The following CACNB2 variants were observed in gnomAD, a reference collection of about 807,000 sequenced individuals.
The protein encoded by CACNB2 is calcium voltage-gated channel auxiliary subunit beta 2, also known as voltage-dependent L-type calcium channel subunit beta-2.
Under a neutral mutation model 73.3 loss-of-function variants are expected in CACNB2, and 42 were observed. That is an observed-to-expected ratio of 0.57 (90% CI 0.45 to 0.74). The LOEUF is 0.74. Ranked by LOEUF, CACNB2 falls within the 30% of genes least tolerant of loss-of-function variation. CACNB2 has a pLI of 0.00. For missense variants in CACNB2, 940 were observed against 853.0 expected (o/e 1.10, Z -1.27); for synonymous variants, 348 against 310.3 (o/e 1.12, Z -1.28).
intron 3 of CACNB2, among the ~76,000 whole-genome samples, chr10:18,486,904 A>G (rs1248398972): frequency 6.6e-6 from 1 of 152,202 alleles, no homozygotes; most frequent in Non-Finnish European, 1.5e-5. Context: ...TGGACGTGGA[A>G]GAAATGAGTT....
intron 2 of CACNB2, among the ~76,000 whole-genome samples, chr10:18,318,275 A>G (rs2040269138): frequency 6.6e-6 from 1 of 152,216 alleles, no homozygotes; most frequent in South Asian, 2.1e-4. Flanking sequence ...ACCAAAACAG[A>G]CATATAGACC....
At chr10:18,380,370 G>A (rs988163694) in intron 2 of CACNB2, among the ~76,000 whole-genome samples, 1 of 151,870 alleles carries the variant, frequency 6.6e-6, no homozygotes, top group African/African-American at 2.4e-5. Flanking sequence ...CTTTGCATAG[G>A]GGTCAGGAAC....
intron 3 of CACNB2, among the ~76,000 whole-genome samples, chr10:18,472,914 T>G (rs979617375): frequency 1.2e-4 from 18 of 152,186 alleles, no homozygotes; most frequent in African/African-American, 4.1e-4. Flanking sequence ...ATTTGTATTT[T>G]CAACAAGCCC....
At chr10:18,412,944 A>G (rs1346893999) in intron 3 of CACNB2, among the ~76,000 whole-genome samples, 7 of 152,126 alleles carry the variant, frequency 4.6e-5, no homozygotes, top group Non-Finnish European at 1.0e-4. Context: ...TGCTACCTTC[A>G]CATGTTTTAT....
At chr10:18,334,297 T>C (rs2040917214) in intron 2 of CACNB2, among the ~76,000 whole-genome samples, 1 of 152,144 alleles carries the variant, frequency 6.6e-6, no homozygotes, top group Non-Finnish European at 1.5e-5. Flanking sequence ...GACACCCAGC[T>C]ACTCCAGTGG....
At chr10:18,535,333 G>A (rs1011101250) in intron 11 of CACNB2, among the ~76,000 whole-genome samples, 6 of 152,122 alleles carry the variant, frequency 3.9e-5, no homozygotes, top group African/African-American at 1.4e-4. Flanking sequence ...CAAATCTGTA[G>A]GAGGTTGGAT....
At chr10:18,348,640 A>T (rs2041575222) in intron 2 of CACNB2, among the ~76,000 whole-genome samples, 1 of 152,116 alleles carries the variant, frequency 6.6e-6, no homozygotes. Context: ...AGTATCTGGG[A>T]CTACAGGTGT....
chr10:18,282,811 G>T (rs1320645084), intron 2 of CACNB2, among the ~76,000 whole-genome samples: 2 of 152,178 alleles, frequency 1.3e-5, no homozygotes, highest in East Asian at 3.9e-4. Context: ...AAGGAAAGAG[G>T]TTGTTGACAA....
At position 18,289,284 on chromosome 10, in the gene CACNB2, G is replaced by GTTTTTTTTTTTTTT. The variant is rs1489491866; in HGVS notation, c.214-112633_214-112632insTTTTTTTTTTTTTT. Among the ~76,000 whole-genome samples, 25 of 85,536 alleles carry GTTTTTTTTTTTTTT rather than the reference G, an allele frequency of 2.9e-4. 6 individuals carry two copies. Among genetic ancestry groups the GTTTTTTTTTTTTTT allele is most frequent in the African/African-American group, 1.1e-3 (19 of 17,142 alleles). The allele number at this position is 85,536 out of a possible 152,430, so 56.1% of individuals were successfully genotyped here. ...GAAGTTGTCTTCATTTTTTTTTCTT[G>GTTTTTTTTTTTTTT]TTTTTTTGTTTTGTTTTTTTTTTTT... On this transcript the variant is annotated intron_variant, in intron 2 of 13. Coordinates refer to ENST00000324631, the MANE Select transcript of CACNB2 (RefSeq NM_201596.3).
chr10:18,224,992 C>A (rs544080466), intron 2 of CACNB2, among the ~76,000 whole-genome samples: 46 of 152,292 alleles, frequency 3.0e-4, no homozygotes, highest in Admixed American at 1.2e-3. Flanking sequence ...GTGTTTCGCT[C>A]TCTATGGCCC....
chr10:18,376,420 G>T (rs1182011314), intron 2 of CACNB2, among the ~76,000 whole-genome samples: 1 of 152,096 alleles, frequency 6.6e-6, no homozygotes, highest in African/African-American at 2.4e-5. Context: ...TAGTTAGAAT[G>T]AATAACACCT....
At chr10:18,143,451 G>A (rs901977786) in intron 1 of CACNB2, among the ~76,000 whole-genome samples, 1 of 152,194 alleles carries the variant, frequency 6.6e-6, no homozygotes, top group African/African-American at 2.4e-5. Flanking sequence ...AGAGAGAAGA[G>A]AAAGGGCAGA....
chr10:18,447,257 G>T (rs1369667785), intron 3 of CACNB2, among the ~76,000 whole-genome samples: 1 of 152,120 alleles, frequency 6.6e-6, no homozygotes, highest in South Asian at 2.1e-4. Context: ...GTTAAAATGT[G>T]TTAAATTTGA....
At chr10:18,520,897 T>G (rs2051811835) in intron 9 of CACNB2, among the ~76,000 whole-genome samples, 1 of 150,568 alleles carries the variant, frequency 6.6e-6, no homozygotes, top group Non-Finnish European at 1.5e-5. Flanking sequence ...CTCCTTTCCC[T>G]CTGTTTTCTA....
chr10:18,288,023 T>G (rs1483987358), intron 2 of CACNB2, among the ~76,000 whole-genome samples: 1 of 152,180 alleles, frequency 6.6e-6, no homozygotes, highest in East Asian at 1.9e-4. Flanking sequence ...TCCTGTATCT[T>G]TACATCATCT....
intron 2 of CACNB2, among the ~76,000 whole-genome samples, chr10:18,154,893 C>G (rs1487472043): frequency 6.6e-6 from 1 of 152,212 alleles, no homozygotes; most frequent in Non-Finnish European, 1.5e-5. Flanking sequence ...CAAAAAGCAA[C>G]CCTGCTGACA....
In CACNB2 at chr10:18,383,156, G is replaced by A. The variant is rs79271401; in HGVS notation, c.214-18768G>A. Among the ~76,000 whole-genome samples the A allele has an allele frequency of 5.6e-3, 858 of 152,320 alleles. 7 individuals carry two copies. Among genetic ancestry groups the A allele is most frequent in the African/African-American group, 0.02 (812 of 41,558 alleles). ...CAGCCGGTGTCATCCAAGGTTTGAT[G>A]TGACAGACACATACTTTATTCTGTT... On this transcript the variant is annotated intron_variant, in intron 2 of 13. Transcript: ENST00000324631.
At chr10:18,445,354 T>A (rs752771788) in intron 3 of CACNB2, among the ~76,000 whole-genome samples, 2 of 152,192 alleles carry the variant, frequency 1.3e-5, no homozygotes, top group African/African-American at 2.4e-5. Context: ...ATTGCAGTAC[T>A]TAGTATTAAA....
At chr10:18,462,235 C>G (rs1465172717) in intron 3 of CACNB2, among the ~76,000 whole-genome samples, 2 of 152,132 alleles carry the variant, frequency 1.3e-5, no homozygotes, top group Non-Finnish European at 2.9e-5. Flanking sequence ...GCCTGTAAGA[C>G]AGCAAATAGG....
Sources: gnomAD v4.1 joint callset for allele counts (sites outside exome capture counted in the v4.1 genomes callset) on GRCh38, gnomAD v4.1.1 for gene constraint, MANE v1.5 for transcripts, NCBI Gene and HGNC (gene_info 2026-07-23, HGNC 2026-07-21) for gene names.